The following KCNE2 variants were observed in gnomAD, a reference collection of about 807,000 sequenced individuals.
KCNE2 encodes the protein potassium voltage-gated channel subfamily E member 2.
KCNE2 carries 4 observed loss-of-function variants against 4.5 expected under a neutral mutation model. The observed-to-expected ratio is 0.89, with a 90% CI of 0.44 to 2.03. KCNE2 has a LOEUF of 2.03. KCNE2 is among the 30% of genes most tolerant of loss of function. The pLI is 0.03. For synonymous variants in KCNE2, 57 were observed against 55.9 expected (o/e 1.02, Z -0.09); for missense variants, 137 against 151.4 (o/e 0.90, Z 0.50).
chr21:34,368,222 C>T, intron 1 of KCNE2, among the ~76,000 whole-genome samples: 1 of 82,742 alleles, frequency 1.2e-5, no homozygotes, highest in Middle Eastern at 5.0e-3. Context: ...CACACACACA[C>T]ACACACAATA....
chr21:34,366,901 C>T (rs1979327385), intron 1 of KCNE2, among the ~76,000 whole-genome samples: 1 of 146,132 alleles, frequency 6.8e-6, no homozygotes, highest in Admixed American at 7.0e-5. Context: ...ATGGCGTAAA[C>T]CCGGGAGGCA....
At chr21:34,365,038 AC>A (rs1979234665) in intron 1 of KCNE2, among the ~76,000 whole-genome samples, 1 of 152,134 alleles carries the variant, frequency 6.6e-6, no homozygotes. Context: ...GGAATGTGTG[AC>A]CTCTGCTAGG....
At chr21:34,364,302 T>C (rs764708339) in intron 1 of KCNE2, among the ~76,000 whole-genome samples, 151 bp downstream of exon 1, 29 of 152,360 alleles carry the variant, frequency 1.9e-4, no homozygotes, top group African/African-American at 1.9e-4. Flanking sequence ...TGTGTTTTCC[T>C]TACTCATTTC....
At chr21:34,367,100 C>T (rs1979342606) in intron 1 of KCNE2, among the ~76,000 whole-genome samples, 2 of 138,354 alleles carry the variant, frequency 1.4e-5, no homozygotes, top group East Asian at 2.2e-4. Flanking sequence ...GGATTGGTAA[C>T]AACCGGCTGG....
At chr21:34,369,465 G>A (rs574201757) in intron 1 of KCNE2, among the ~76,000 whole-genome samples, 12 of 152,208 alleles carry the variant, frequency 7.9e-5, no homozygotes, top group East Asian at 3.9e-4. Context: ...CATGAGAATT[G>A]CTTGAACTGG....
chr21:34,366,909 G>A lies in KCNE2; in HGVS notation c.-13+2758G>A, dbSNP rs565870949. Among the ~76,000 whole-genome samples the A allele has an allele frequency of 1.1e-3, 146 of 135,046 alleles. 1 individual carries two copies. The highest frequency in any genetic ancestry group is 3.4e-3 in the African/African-American group (118 of 34,620). The allele number at this position is 135,046 out of a possible 152,430, so 88.6% of individuals were successfully genotyped here. A position where few individuals can be genotyped will look rare whatever the true frequency, so the allele number is the denominator to read the frequency against. On this transcript the variant is annotated intron_variant, in intron 1 of 1. Transcript: ENST00000290310. ...CAGGAGAATGGCGTAAACCCGGGAG[G>A]CAGAGCTTGCAGTAAGCCGAGATCG...
Position 34,371,218 on chromosome 21 carries a change from T to A in KCNE2, c.*368T>A, listed in dbSNP as rs1412902733. Reference sequence around the variant, plus strand: ...ATTGAATCTTCTTTCTCATGAAACATCATTTGTGTGTGACAAATTCAATTT... The same window carrying A: ...ATTGAATCTTCTTTCTCATGAAACAACATTTGTGTGTGACAAATTCAATTT... On this transcript the variant is annotated 3_prime_UTR_variant, in exon 2 of 2. Coordinates refer to ENST00000290310, the MANE Select transcript of KCNE2 (RefSeq NM_172201.2). 1.3e-5 allele frequency: 4 copies of A among 307,974 alleles called. No homozygotes were observed. Among genetic ancestry groups the A allele is most frequent in the Non-Finnish European group, 2.6e-5 (4 of 156,498 alleles). 19.1% of individuals were successfully genotyped at this position (307,974 alleles called of 1,614,324 possible). A position where few individuals can be genotyped will look rare whatever the true frequency, so the allele number is the denominator to read the frequency against.
chr21:34,368,234 A>ACAC, intron 1 of KCNE2, among the ~76,000 whole-genome samples: 2 of 52,266 alleles, frequency 3.8e-5, no homozygotes, highest in African/African-American at 1.1e-4. Flanking sequence ...CACACAATAT[A>ACAC]TATATATATA....
In KCNE2 at chr21:34,370,188, A is replaced by G. The variant is rs1979514153; in HGVS notation, c.-12-279A>G. ...TTTCTCCATTTTCATATGTACACAT[A>G]CATTTATTTACATGCATATATAAAT... On this transcript the variant is annotated intron_variant, in intron 1 of 1. Transcript: ENST00000290310. Among the ~76,000 whole-genome samples, 4 of 152,244 alleles carry G rather than the reference A, an allele frequency of 2.6e-5. 1 individual carries two copies. Among genetic ancestry groups the G allele is most frequent in the Admixed American group, 6.5e-5 (1 of 15,282 alleles).
intron 1 of KCNE2, among the ~76,000 whole-genome samples, chr21:34,370,088 A>G (rs1239834123): frequency 6.6e-6 from 1 of 152,220 alleles, no homozygotes; most frequent in Non-Finnish European, 1.5e-5. Context: ...AATATGAGAA[A>G]AGCATAAAGA....
intron 1 of KCNE2, among the ~76,000 whole-genome samples, chr21:34,366,962 G>GAGCA (rs1979332908): frequency 1.1e-5 from 1 of 88,228 alleles, no homozygotes; most frequent in South Asian, 4.5e-4. Flanking sequence ...CTGGGCAAAA[G>GAGCA]AGACTCCATC....
intron 1 of KCNE2, among the ~76,000 whole-genome samples, chr21:34,368,204 CACACACA>C (rs1979391920): frequency 1.1e-5 from 1 of 88,962 alleles, no homozygotes; most frequent in African/African-American, 5.0e-5. Flanking sequence ...TAATCACACA[CACACACA>C]CACACACACA....
rs1421033509 is a variant in KCNE2, at chr21:34,365,890, G to A, written c.-13+1739G>A. Reference sequence around the variant, plus strand: ...TCCTGTGGTCATGGAGCAGGCATGGGCCACTCGGCCACATCTCATGCATCC... The same window carrying A: ...TCCTGTGGTCATGGAGCAGGCATGGACCACTCGGCCACATCTCATGCATCC... On this transcript the variant is annotated intron_variant, in intron 1 of 1. Transcript: ENST00000290310. Among the ~76,000 whole-genome samples the A allele has an allele frequency of 4.6e-5, 7 of 152,220 alleles. No individual in the cohort carries two copies. In the East Asian group the frequency reaches 1.3e-3, roughly 29 times the overall value.
intron 1 of KCNE2, among the ~76,000 whole-genome samples, chr21:34,367,232 A>AG (rs1198751939): frequency 6.6e-6 from 1 of 151,424 alleles, no homozygotes; most frequent in Non-Finnish European, 1.5e-5. Context: ...AGGCTGAAGC[A>AG]GGGGGATCAC....
chr21:34,366,561 G>A (rs556100893), intron 1 of KCNE2, among the ~76,000 whole-genome samples: 5 of 152,146 alleles, frequency 3.3e-5, no homozygotes, highest in Non-Finnish European at 5.9e-5. Context: ...CCTGCCTTCC[G>A]GGGGCTCAAG....
At chr21:34,368,261 T>A (rs1040155486) in intron 1 of KCNE2, among the ~76,000 whole-genome samples, 1 of 77,136 alleles carries the variant, frequency 1.3e-5, no homozygotes, top group African/African-American at 6.1e-5. Context: ...TATATATATA[T>A]GTATGTTATA....
chr21:34,369,347 C>T (rs569305979), intron 1 of KCNE2, among the ~76,000 whole-genome samples: 103 of 152,136 alleles, frequency 6.8e-4, no homozygotes, highest in African/African-American at 2.3e-3. Flanking sequence ...GTCAGGAGTT[C>T]GAGACCAGCC....
chr21:34,366,781 C>T (rs1241123287), intron 1 of KCNE2, among the ~76,000 whole-genome samples: 3 of 150,566 alleles, frequency 2.0e-5, no homozygotes, highest in Non-Finnish European at 3.0e-5. Context: ...AGATCGAGAC[C>T]ATCCTGGCTA....
intron 1 of KCNE2, among the ~76,000 whole-genome samples, chr21:34,368,133 C>T (rs1270482628): frequency 6.7e-6 from 1 of 148,428 alleles, no homozygotes; most frequent in Non-Finnish European, 1.5e-5. Context: ...ATCTGCTATA[C>T]CGAGCTAGAC....
Sources: gnomAD v4.1 joint callset for allele counts (sites outside exome capture counted in the v4.1 genomes callset) on GRCh38, gnomAD v4.1.1 for gene constraint, MANE v1.5 for transcripts, NCBI Gene and HGNC (gene_info 2026-07-23, HGNC 2026-07-21) for gene names.